Variants in BRINP1 observed in about 807,000 individuals in gnomAD.
BRINP1 encodes the protein BMP/retinoic acid-inducible neural-specific protein 1.
A neutral mutation model predicts 72.9 loss-of-function variants in BRINP1; 17 were observed. That is an observed-to-expected ratio of 0.23 (90% confidence interval 0.16 to 0.35). BRINP1 has a LOEUF of 0.35. BRINP1 is among the 10% of genes least tolerant of loss of function. The pLI is 1.00. For synonymous variants in BRINP1, 418 were observed against 378.5 expected (o/e 1.10, Z -1.21); for missense variants, 850 against 1,001.6 (o/e 0.85, Z 2.04).
intron 7 of BRINP1, among the ~76,000 whole-genome samples, chr9:119,186,872 T>A (rs1197884890): frequency 2.0e-5 from 3 of 152,126 alleles, no homozygotes; most frequent in African/African-American, 7.2e-5. Context: ...AGCTGTTATG[T>A]CCCACCATTC....
chr9:119,280,565 T>C (rs1830700368), intron 2 of BRINP1, among the ~76,000 whole-genome samples: 1 of 152,130 alleles, frequency 6.6e-6, no homozygotes, highest in Non-Finnish European at 1.5e-5. Context: ...TATTTTTAAA[T>C]GCTGTTGAAT....
intron 2 of BRINP1, among the ~76,000 whole-genome samples, chr9:119,252,060 C>T (rs1297418173): frequency 6.6e-6 from 1 of 152,200 alleles, no homozygotes; most frequent in East Asian, 1.9e-4. Context: ...ATTGGCTTTC[C>T]CGCTCTCTCT....
intron 5 of BRINP1, among the ~76,000 whole-genome samples, chr9:119,224,761 G>A (rs1830073769): frequency 1.3e-5 from 2 of 152,010 alleles, no homozygotes; most frequent in Non-Finnish European, 2.9e-5. Context: ...CTCCTAAAGT[G>A]TCTTGCCCAA....
At chr9:119,314,888 T>A (rs7044898) in intron 1 of BRINP1, among the ~76,000 whole-genome samples, 1 of 151,846 alleles carries the variant, frequency 6.6e-6, no homozygotes, top group Non-Finnish European at 1.5e-5. Flanking sequence ...TCAATAAATG[T>A]CACGTATCAT....
At chr9:119,278,974 C>G (rs78248113) in intron 2 of BRINP1, among the ~76,000 whole-genome samples, 1,637 of 151,886 alleles carry the variant, frequency 0.011, 23 homozygotes, top group African/African-American at 0.037. Context: ...CCAAAATATC[C>G]CAAAAAAGAA....
At chr9:119,361,913 C>A (rs1831638330) in intron 1 of BRINP1, among the ~76,000 whole-genome samples, 1 of 150,984 alleles carries the variant, frequency 6.6e-6, no homozygotes, top group East Asian at 2.0e-4. Context: ...AAGCGATTCT[C>A]CTGTCTCAGC....
At chr9:119,311,235 A>C (rs1016696608) in intron 2 of BRINP1, among the ~76,000 whole-genome samples, 8 of 152,338 alleles carry the variant, frequency 5.3e-5, no homozygotes, top group African/African-American at 1.9e-4. Context: ...GGATTAAATA[A>C]AAGAAGGAAG....
At chr9:119,282,833 A>G (rs1182730354) in intron 2 of BRINP1, 1 of 985,208 alleles carries the variant, frequency 1.0e-6, no homozygotes, top group Non-Finnish European at 1.2e-6. Context: ...ATAGCTGGTC[A>G]CAGTGGAGAG....
chr9:119,253,560 C>T (rs1026735930), intron 2 of BRINP1, among the ~76,000 whole-genome samples: 1 of 151,762 alleles, frequency 6.6e-6, no homozygotes, highest in South Asian at 2.1e-4. Flanking sequence ...AAATGGACCT[C>T]GTGAAGATAG....
intron 5 of BRINP1, among the ~76,000 whole-genome samples, chr9:119,235,368 T>C (rs1470917558): frequency 6.6e-6 from 1 of 152,166 alleles, no homozygotes; most frequent in Non-Finnish European, 1.5e-5. Flanking sequence ...CTTATTTCTT[T>C]GAATACCCCT....
chr9:119,185,759 C>T (rs891008117), intron 7 of BRINP1, among the ~76,000 whole-genome samples: 1 of 152,186 alleles, frequency 6.6e-6, no homozygotes, highest in Non-Finnish European at 1.5e-5. Flanking sequence ...TCTTCATGGG[C>T]CCTGAGCCCA....
At chr9:119,306,917 T>C (rs183372363) in intron 2 of BRINP1, among the ~76,000 whole-genome samples, 2 of 152,158 alleles carry the variant, frequency 1.3e-5, no homozygotes, top group Non-Finnish European at 2.9e-5. Context: ...GTGGTACCTA[T>C]ATTTAAGCCA....
chr9:119,270,987 GAAAT>G (rs1236264458), intron 2 of BRINP1, among the ~76,000 whole-genome samples: 1 of 151,984 alleles, frequency 6.6e-6, no homozygotes, highest in African/African-American at 2.4e-5. Context: ...ATAATTATAA[GAAAT>G]AAATTATATT....
intron 2 of BRINP1, among the ~76,000 whole-genome samples, chr9:119,256,854 G>C (rs553353833): frequency 6.6e-6 from 1 of 152,042 alleles, no homozygotes; most frequent in Non-Finnish European, 1.5e-5. Flanking sequence ...TAAGTGGAGG[G>C]TTCTTTTACT....
chr9:119,182,860 G>A (rs1263999356), intron 7 of BRINP1, among the ~76,000 whole-genome samples: 1 of 152,164 alleles, frequency 6.6e-6, no homozygotes, highest in African/African-American at 2.4e-5. Flanking sequence ...CAAATGATAT[G>A]GACAGGCACT....
intron 2 of BRINP1, among the ~76,000 whole-genome samples, chr9:119,294,353 A>C (rs1830852287): frequency 3.3e-5 from 5 of 152,070 alleles, no homozygotes; most frequent in Admixed American, 2.6e-4. Context: ...CAATATAGTG[A>C]AACCCTCTAC....
intron 5 of BRINP1, among the ~76,000 whole-genome samples, chr9:119,219,632 G>T (rs1007541440): frequency 6.8e-6 from 1 of 146,014 alleles, no homozygotes; most frequent in Non-Finnish European, 1.5e-5. Flanking sequence ...CTTGTTGTAG[G>T]TCTTACTGTT....
chr9:119,220,195 G>GA (rs1001760277), intron 5 of BRINP1, among the ~76,000 whole-genome samples: 3 of 151,920 alleles, frequency 2.0e-5, no homozygotes, highest in African/African-American at 7.2e-5. Context: ...TGAGACTCAG[G>GA]AAAAAAATGG....
At chr9:119,220,092 G>A (rs875166) in intron 5 of BRINP1, among the ~76,000 whole-genome samples, 18,911 of 152,188 alleles carry the variant, frequency 0.12, 1,509 homozygotes, top group Admixed American at 0.24. Flanking sequence ...TTGAAGGGAA[G>A]GGTGACACAA....
Sources: gnomAD v4.1 joint callset for allele counts (sites outside exome capture counted in the v4.1 genomes callset) on GRCh38, gnomAD v4.1.1 for gene constraint, MANE v1.5 for transcripts, NCBI Gene and HGNC (gene_info 2026-07-23, HGNC 2026-07-21) for gene names.